Variants in FER observed in about 807,000 individuals in gnomAD.
The protein encoded by FER is FER tyrosine kinase.
In FER, 63 loss-of-function variants were observed where a neutral mutation model predicts 111.0. The observed-to-expected ratio is 0.57, with a 90% confidence interval of 0.46 to 0.70. The LOEUF is 0.70. Among genes scored for constraint, FER ranks in the 30% least tolerant of loss-of-function variants. FER has a pLI of 0.00. For missense variants in FER, 914 were observed against 954.0 expected, an observed-to-expected ratio of 0.96 and a Z score of 0.55; for synonymous variants, 327 against 313.9, an observed-to-expected ratio of 1.04 and a Z score of -0.44.
intron 17 of FER, among the ~76,000 whole-genome samples, chr5:109,138,593 G>A (rs1190379499): frequency 6.7e-6 from 1 of 149,414 alleles, no homozygotes; most frequent in African/African-American, 2.4e-5. Flanking sequence ...AACCCCTTCT[G>A]GGTTATTTTT....
chr5:108,944,982 T>C (rs778976737), intron 10 of FER, among the ~76,000 whole-genome samples: 1 of 152,208 alleles, frequency 6.6e-6, no homozygotes, highest in African/African-American at 2.4e-5. Context: ...TTCTAATCCA[T>C]TGGGTAATTT....
At chr5:108,924,616 G>T in intron 10 of FER, 1 of 1,231,168 alleles carries the variant, frequency 8.1e-7, no homozygotes, top group South Asian at 4.1e-5. Context: ...TTGGTAAATT[G>T]ACTTCCTTGG....
chr5:108,879,272 A>G (rs1765397872), intron 8 of FER, among the ~76,000 whole-genome samples: 1 of 152,064 alleles, frequency 6.6e-6, no homozygotes, highest in Non-Finnish European at 1.5e-5. Flanking sequence ...TTCCAGATAC[A>G]TGTGCAGTAC....
intron 5 of FER, among the ~76,000 whole-genome samples, chr5:108,848,636 T>G (rs1056816498): frequency 3.9e-5 from 6 of 152,108 alleles, no homozygotes; most frequent in Non-Finnish European, 8.8e-5. Context: ...TGTGATATAT[T>G]TTATATATTT....
chr5:109,190,811 G>A lies in FER; in HGVS notation c.*3236G>A, dbSNP rs1174970525. ...TAATTCACTGTTTTATTACAAATACGATATTACTGAAACATCTTATTAGCA... is the reference window on the plus strand; with the variant it reads ...TAATTCACTGTTTTATTACAAATACAATATTACTGAAACATCTTATTAGCA... On this transcript the variant is annotated 3_prime_UTR_variant, in exon 20 of 20. Coordinates refer to ENST00000281092, the MANE Select transcript of FER (RefSeq NM_005246.4). 6.6e-6 allele frequency: 1 copy of A among 152,114 alleles called. No homozygotes were observed. The highest frequency in any genetic ancestry group is 2.4e-5 in the African/African-American group (1 of 41,424). 9.4% of individuals were successfully genotyped at this position (152,114 alleles called of 1,614,324 possible). A position where few individuals can be genotyped will look rare whatever the true frequency, so the allele number is the denominator to read the frequency against.
intron 17 of FER, among the ~76,000 whole-genome samples, chr5:109,132,304 G>A (rs767035037): frequency 6.6e-6 from 1 of 152,144 alleles, no homozygotes; most frequent in Non-Finnish European, 1.5e-5. Flanking sequence ...CTGAAAAGGG[G>A]CAACTAAAAT....
At chr5:109,051,235 A>G in intron 16 of FER, 1 of 922,766 alleles carries the variant, frequency 1.1e-6, no homozygotes, top group South Asian at 1.4e-5. Flanking sequence ...GATCAAAATT[A>G]ACACCTGGTG....
chr5:109,127,707 A>G (rs1582158350), intron 17 of FER, among the ~76,000 whole-genome samples: 1 of 152,116 alleles, frequency 6.6e-6, no homozygotes, highest in South Asian at 2.1e-4. Flanking sequence ...CTTGGCCTCC[A>G]TTTTTATTTT....
At chr5:108,956,138 G>A (rs760917865) in intron 12 of FER, among the ~76,000 whole-genome samples, 4 of 151,526 alleles carry the variant, frequency 2.6e-5, no homozygotes, top group Non-Finnish European at 5.9e-5. Context: ...TACTGTTTTG[G>A]AAACTATGTT....
At chr5:109,014,093 C>T (rs879693013) in intron 13 of FER, among the ~76,000 whole-genome samples, 2,633 of 150,542 alleles carry the variant, frequency 0.017, 28 homozygotes, top group African/African-American at 0.023. Context: ...TTAATTAGAT[C>T]CCATTTGTCA....
chr5:109,030,962 C>G (rs887614991), intron 13 of FER, among the ~76,000 whole-genome samples: 3 of 151,994 alleles, frequency 2.0e-5, no homozygotes, highest in Non-Finnish European at 4.4e-5. Context: ...CTTGGTCGCT[C>G]ATTTGTCTGG....
intron 5 of FER, among the ~76,000 whole-genome samples, chr5:108,852,405 C>T (rs367823320): frequency 7.9e-5 from 12 of 152,126 alleles, no homozygotes; most frequent in East Asian, 1.9e-4. Flanking sequence ...AAAATGGATA[C>T]GACTTTTTAA....
intron 5 of FER, chr5:108,842,566 GGCTAA>G (rs1321183370): frequency 1.3e-5 from 2 of 151,938 alleles, no homozygotes; most frequent in African/African-American, 2.4e-5. Context: ...TCAAAAAGTG[GGCTAA>G]GCACATGAAT....
chr5:109,086,312 G>T (rs931506837), intron 16 of FER, among the ~76,000 whole-genome samples: 1 of 151,568 alleles, frequency 6.6e-6, no homozygotes, highest in Admixed American at 6.6e-5. Context: ...ATGCCATAAG[G>T]TTATTTATCA....
At chr5:108,863,642 T>C (rs191266585) in intron 5 of FER, among the ~76,000 whole-genome samples, 1 of 152,266 alleles carries the variant, frequency 6.6e-6, no homozygotes, top group Non-Finnish European at 1.5e-5. Flanking sequence ...CCAAGTGTCA[T>C]GCAGAGTGAG....
chr5:109,072,353 G>C (rs1002836684), intron 16 of FER, among the ~76,000 whole-genome samples: 1 of 145,900 alleles, frequency 6.9e-6, no homozygotes. Context: ...CACACTTGTT[G>C]CCATGAAAAG....
At chr5:109,083,373 C>A (rs1452624675) in intron 16 of FER, among the ~76,000 whole-genome samples, 1 of 151,970 alleles carries the variant, frequency 6.6e-6, no homozygotes, top group Non-Finnish European at 1.5e-5. Flanking sequence ...CCACTAATAA[C>A]ATTATGACAG....
chr5:108,982,028 A>G (rs1244891331), intron 13 of FER, among the ~76,000 whole-genome samples: 2 of 152,126 alleles, frequency 1.3e-5, no homozygotes, highest in Non-Finnish European at 2.9e-5. Context: ...CCTGTGGCTC[A>G]CTTCTTAGAC....
At chr5:108,966,666 G>A (rs928716379) in intron 13 of FER, among the ~76,000 whole-genome samples, 3 of 151,978 alleles carry the variant, frequency 2.0e-5, no homozygotes, top group African/African-American at 7.2e-5. Context: ...GATTACAGGC[G>A]TGAGCCACTG....
Sources: allele counts gnomAD v4.1 joint callset (sites outside exome capture counted in the v4.1 genomes callset), GRCh38; gene constraint gnomAD v4.1.1; transcripts MANE v1.5; gene names NCBI Gene and HGNC (gene_info 2026-07-23, HGNC 2026-07-21).